The following KALRN variants were observed in gnomAD, a reference collection of about 807,000 sequenced individuals.
KALRN encodes kalirin.
In KALRN, 70 loss-of-function variants were observed where a neutral mutation model predicts 353.7. The ratio of observed to expected loss-of-function variants is 0.20; its 90% CI spans 0.16 to 0.24. The LOEUF (loss-of-function observed/expected upper bound fraction) is 0.24. Ranked by LOEUF, KALRN falls within the 10% of genes least tolerant of loss-of-function variation. KALRN has a pLI of 1.00. For synonymous variants in KALRN, 1,391 were observed against 1,434.8 expected (o/e 0.97, Z 0.69); for missense variants, 2,791 against 3,756.7 (o/e 0.74, Z 6.72).
intron 33 of KALRN, among the ~76,000 whole-genome samples, chr3:124,503,431 C>T (rs891483701): frequency 3.1e-4 from 45 of 145,436 alleles, no homozygotes; most frequent in African/African-American, 1.1e-3. Flanking sequence ...CATCTCCACT[C>T]TAAGCCCAAA....
intron 34 of KALRN, chr3:124,585,027 G>A (rs893081738): frequency 4.2e-6 from 5 of 1,197,896 alleles, no homozygotes; most frequent in East Asian, 5.6e-5. Context: ...ATGGGGCTGG[G>A]GATCAGGAGG....
intron 1 of KALRN, among the ~76,000 whole-genome samples, chr3:124,065,338 G>T (rs2042267749): frequency 6.6e-6 from 1 of 152,100 alleles, no homozygotes; most frequent in African/African-American, 2.4e-5. Flanking sequence ...TACATATTTT[G>T]GGGATGAAGT....
chr3:124,257,510 G>A (rs1320848888), intron 3 of KALRN, among the ~76,000 whole-genome samples: 1 of 152,246 alleles, frequency 6.6e-6, no homozygotes, highest in Non-Finnish European at 1.5e-5. Context: ...ATGAACAAAA[G>A]AGGAAATGGT....
chr3:124,041,065 G>C (rs1205264264), intron 1 of KALRN, among the ~76,000 whole-genome samples: 1 of 152,040 alleles, frequency 6.6e-6, no homozygotes, highest in African/African-American at 2.4e-5. Flanking sequence ...TGCTATGGGA[G>C]TATATAAAGC....
intron 19 of KALRN, among the ~76,000 whole-genome samples, chr3:124,443,539 G>A (rs935038093): frequency 1.3e-5 from 2 of 152,218 alleles, no homozygotes; most frequent in African/African-American, 4.8e-5. Context: ...TTTGTGGTCA[G>A]GGGACCTGTG....
chr3:124,489,665 C>T (rs528974645), intron 29 of KALRN, among the ~76,000 whole-genome samples: 39 of 152,324 alleles, frequency 2.6e-4, no homozygotes, highest in African/African-American at 8.9e-4. Flanking sequence ...TACCCAGCTC[C>T]TCCAGTCTGT....
chr3:124,399,727 C>A (rs934310442), intron 13 of KALRN, among the ~76,000 whole-genome samples: 19 of 152,212 alleles, frequency 1.2e-4, no homozygotes, highest in Non-Finnish European at 8.8e-5. Context: ...TTTGTTAGTT[C>A]ATCTCATAAA....
rs149412677 is a variant in KALRN at position 124,413,487 on chromosome 3, C to T, written c.2364C>T (p.Asp788=). ...QYTIEVTAEL[D]AWNEDLLRQM... is the part of the protein sequence containing the mutation. Reference sequence around the variant, plus strand: ...CCTCACAGGTGACAGCAGAGCTAGACGCCTGGAATGAAGACTTGCTTCGGC... The same window carrying T: ...CCTCACAGGTGACAGCAGAGCTAGATGCCTGGAATGAAGACTTGCTTCGGC... Residue 788 remains aspartate (D), a synonymous_variant, in exon 14 of 60, where the codon GAC becomes GAT. Transcript: ENST00000682506. 6.8e-5 allele frequency: 110 copies of T among 1,613,838 alleles called. No homozygotes were observed. Among genetic ancestry groups the T allele is most frequent in the Non-Finnish European group, 8.6e-5 (102 of 1,179,924 alleles).
At chr3:124,378,330 C>A (rs894141016) in intron 10 of KALRN, among the ~76,000 whole-genome samples, 3 of 152,020 alleles carry the variant, frequency 2.0e-5, no homozygotes, top group Admixed American at 2.0e-4. Context: ...TCCATCCCTC[C>A]CTTCCTGGTC....
chr3:124,113,143 C>G (rs2063147367), intron 1 of KALRN, among the ~76,000 whole-genome samples: 1 of 152,144 alleles, frequency 6.6e-6, no homozygotes, highest in Non-Finnish European at 1.5e-5. Context: ...ATAAAAACAG[C>G]CTGGTTTAGC....
chr3:124,496,423 A>T lies in KALRN; in HGVS notation c.4935+10A>T, dbSNP rs775440337. 14 of 1,582,562 alleles carry T rather than the reference A, an allele frequency of 8.8e-6. No homozygotes were observed. The East Asian group carries it at 2.7e-4, about 30-fold the overall frequency. ...AGTGGACAGTGACAAGGTAGGACAG[A>T]GTCCTAACCTTCCTTCCCCTGAGAC... On this transcript the variant is annotated intron_variant, in intron 33 of 59. Transcript: ENST00000682506.
chr3:124,619,482 CT>C (rs59009780), intron 34 of KALRN, among the ~76,000 whole-genome samples: 456 of 104,644 alleles, frequency 4.4e-3, no homozygotes, highest in African/African-American at 0.015. Flanking sequence ...TATTTTCCTT[CT>C]TTTTTTTTTT....
chr3:124,255,002 A>G (rs1201854581), intron 3 of KALRN, among the ~76,000 whole-genome samples: 2 of 151,952 alleles, frequency 1.3e-5, no homozygotes, highest in Non-Finnish European at 2.9e-5. Flanking sequence ...CTGGAGTGCA[A>G]TGGTGCGATC....
chr3:124,328,770 G>A (rs189671382), intron 7 of KALRN, among the ~76,000 whole-genome samples: 43 of 152,308 alleles, frequency 2.8e-4, no homozygotes, highest in African/African-American at 7.5e-4. Context: ...AGAAGTGCAC[G>A]TTTATTTCAT....
intron 53 of KALRN, 35 bp downstream of exon 53, chr3:124,694,538 C>G (rs375124335): frequency 1.3e-6 from 2 of 1,597,978 alleles, no homozygotes; most frequent in Non-Finnish European, 1.7e-6. Flanking sequence ...CAACAGCAGC[C>G]CCTTGCTTGA....
intron 3 of KALRN, among the ~76,000 whole-genome samples, chr3:124,254,704 C>A (rs2071674097): frequency 6.6e-6 from 1 of 151,922 alleles, no homozygotes; most frequent in Non-Finnish European, 1.5e-5. Context: ...TCATTTTTAC[C>A]AAAAAAAGTT....
At chr3:124,672,447 C>T (rs1194665143) in intron 48 of KALRN, among the ~76,000 whole-genome samples, 2 of 152,034 alleles carry the variant, frequency 1.3e-5, no homozygotes, top group South Asian at 2.1e-4. Context: ...CTAAAAGTCA[C>T]AGCTGTAGTG....
intron 33 of KALRN, chr3:124,518,386 CCTTTT>C (rs773022719): frequency 6.2e-7 from 1 of 1,610,770 alleles, no homozygotes; most frequent in Non-Finnish European, 8.5e-7. Flanking sequence ...AGAGCCCGGC[CCTTTT>C]CTTAACAGGA....
intron 34 of KALRN, among the ~76,000 whole-genome samples, chr3:124,609,640 C>T (rs1422181432): frequency 3.9e-5 from 6 of 152,208 alleles, no homozygotes; most frequent in Non-Finnish European, 8.8e-5. Context: ...TCCATTCCGG[C>T]AGATGACTCA....
Sources: allele counts gnomAD v4.1 joint callset (sites outside exome capture counted in the v4.1 genomes callset), GRCh38; gene constraint gnomAD v4.1.1; transcripts MANE v1.5; gene names NCBI Gene and HGNC (gene_info 2026-07-23, HGNC 2026-07-21).